The following LRFN5 variants were observed in gnomAD, a reference collection of about 807,000 sequenced individuals.
The protein encoded by LRFN5 is leucine-rich repeat and fibronectin type-III domain-containing protein 5.
Under a neutral mutation model 45.6 loss-of-function variants are expected in LRFN5, and 24 were observed. The observed-to-expected ratio is 0.53, with a 90% CI of 0.38 to 0.74. The LOEUF is 0.74. LRFN5 is among the 30% of genes least tolerant of loss of function. LRFN5 has a pLI of 0.00. For missense variants in LRFN5, 776 were observed against 861.5 expected, an observed-to-expected ratio of 0.90 and a Z score of 1.24; for synonymous variants, 340 against 313.8, an observed-to-expected ratio of 1.08 and a Z score of -0.88.
At chr14:41,695,531 T>G (rs1313439855) in intron 1 of LRFN5, among the ~76,000 whole-genome samples, 1 of 152,050 alleles carries the variant, frequency 6.6e-6, no homozygotes, top group East Asian at 1.9e-4. Context: ...TGAGAGCTAA[T>G]GCAGCTGGTG....
At chr14:41,899,223 A>C (rs1038482195) in intron 5 of LRFN5, among the ~76,000 whole-genome samples, 5 of 152,266 alleles carry the variant, frequency 3.3e-5, no homozygotes, top group Admixed American at 1.3e-4. Flanking sequence ...TGATGCATGC[A>C]ACTTTGGAGT....
intron 2 of LRFN5, among the ~76,000 whole-genome samples, chr14:41,779,352 C>T (rs925830202): frequency 1.3e-5 from 2 of 151,708 alleles, no homozygotes; most frequent in African/African-American, 4.8e-5. Flanking sequence ...TATAATTTTT[C>T]ATCCATTGTT....
chr14:41,898,744 T>G lies in LRFN5; in HGVS notation c.2099-173T>G, dbSNP rs183109343. ...GTAGACATAGAGAACTGAAATATTA[T>G]AAAAGTCAATTGCAATTAACCCATG... On this transcript the variant is annotated intron_variant, in intron 4 of 5. Coordinates refer to ENST00000298119, the MANE Select transcript of LRFN5 (RefSeq NM_152447.5). Among the ~76,000 whole-genome samples the G allele has an allele frequency of 1.2e-3, 177 of 152,138 alleles. 4 individuals carry two copies. The East Asian group carries it at 0.027, about 23-fold the overall frequency.
At chr14:41,754,623 A>G (rs1885292563) in intron 1 of LRFN5, among the ~76,000 whole-genome samples, 2 of 152,050 alleles carry the variant, frequency 1.3e-5, no homozygotes, top group African/African-American at 4.8e-5. Context: ...CCCCTTTATC[A>G]TTTTTTATTG....
chr14:41,869,863 T>C (rs1461526489), intron 2 of LRFN5, among the ~76,000 whole-genome samples: 1 of 152,142 alleles, frequency 6.6e-6, no homozygotes, highest in Non-Finnish European at 1.5e-5. Context: ...ATGGGAATTG[T>C]GGGAGCTACA....
chr14:41,671,604 A>ATTTTTTTTTTCC (rs1566613117), intron 1 of LRFN5, among the ~76,000 whole-genome samples: 51 of 91,068 alleles, frequency 5.6e-4, no homozygotes, highest in South Asian at 3.9e-4. Flanking sequence ...TGGAGGAGAG[A>ATTTTTTTTTTCC]TTTTTTTTTT....
chr14:41,646,910 G>A (rs564688089), intron 1 of LRFN5, among the ~76,000 whole-genome samples: 1 of 152,112 alleles, frequency 6.6e-6, no homozygotes, highest in African/African-American at 2.4e-5. Context: ...CCACACTCTG[G>A]GTGCTTCCAT....
intron 1 of LRFN5, among the ~76,000 whole-genome samples, chr14:41,615,229 A>C (rs967062735): frequency 1.3e-5 from 2 of 152,072 alleles, no homozygotes; most frequent in African/African-American, 4.8e-5. Flanking sequence ...CTCCAACTAA[A>C]ATATATTATT....
intron 2 of LRFN5, among the ~76,000 whole-genome samples, chr14:41,879,199 G>A (rs1286330343): frequency 6.6e-6 from 1 of 151,880 alleles, no homozygotes; most frequent in East Asian, 1.9e-4. Flanking sequence ...AGTTGCAATA[G>A]GGTCACCTCT....
At chr14:41,608,863 T>G (rs1432137833) in intron 1 of LRFN5, among the ~76,000 whole-genome samples, 4 of 152,194 alleles carry the variant, frequency 2.6e-5, no homozygotes, top group Admixed American at 2.0e-4. Context: ...AGATCAAAAT[T>G]CTGTGTTTCC....
At chr14:41,850,319 A>G (rs141089450) in intron 2 of LRFN5, among the ~76,000 whole-genome samples, 288 of 152,058 alleles carry the variant, frequency 1.9e-3, no homozygotes, top group African/African-American at 6.6e-3. Flanking sequence ...TTGAGGTAGA[A>G]TAAGGACAAG....
chr14:41,826,291 C>G (rs1408119882), intron 2 of LRFN5, among the ~76,000 whole-genome samples: 2 of 152,192 alleles, frequency 1.3e-5, no homozygotes, highest in African/African-American at 4.8e-5. Context: ...GCTTTTTAAA[C>G]TAGCCTTGTA....
intron 1 of LRFN5, among the ~76,000 whole-genome samples, chr14:41,744,144 A>G (rs188819239): frequency 1.3e-5 from 2 of 152,138 alleles, no homozygotes; most frequent in African/African-American, 2.4e-5. Flanking sequence ...GCTCAAGCCC[A>G]GAAGTTTGAG....
chr14:41,620,150 A>G (rs1370026489), intron 1 of LRFN5, among the ~76,000 whole-genome samples: 2 of 152,128 alleles, frequency 1.3e-5, no homozygotes, highest in African/African-American at 4.8e-5. Context: ...AAGGGATCTT[A>G]TAAAACCATA....
chr14:41,652,153 CTAATA>C (rs1566604491), intron 1 of LRFN5, among the ~76,000 whole-genome samples: 1 of 151,822 alleles, frequency 6.6e-6, no homozygotes, highest in Admixed American at 6.6e-5. Context: ...ATTAATTTTT[CTAATA>C]TTAAAATTGT....
intron 1 of LRFN5, among the ~76,000 whole-genome samples, chr14:41,648,994 C>T (rs1044455863): frequency 4.6e-5 from 7 of 152,040 alleles, no homozygotes; most frequent in Admixed American, 6.6e-5. Context: ...CCAGGCTGGG[C>T]GCGCTGGCTT....
intron 1 of LRFN5, among the ~76,000 whole-genome samples, chr14:41,635,944 A>C (rs1879287484): frequency 6.6e-6 from 1 of 152,162 alleles, no homozygotes; most frequent in Non-Finnish European, 1.5e-5. Flanking sequence ...ATCCCAGCAG[A>C]GCAGTCAGGA....
At chr14:41,817,587 T>C (rs1887966022) in intron 2 of LRFN5, among the ~76,000 whole-genome samples, 1 of 152,148 alleles carries the variant, frequency 6.6e-6, no homozygotes, top group African/African-American at 2.4e-5. Flanking sequence ...CCAGGTCACT[T>C]AGACTCTGAT....
At chr14:41,884,519 T>C (rs967417970) in intron 2 of LRFN5, among the ~76,000 whole-genome samples, 3 of 152,156 alleles carry the variant, frequency 2.0e-5, no homozygotes, top group Admixed American at 1.3e-4. Flanking sequence ...GCAAGTGAGA[T>C]ACGGGGTTTG....
Sources: allele counts gnomAD v4.1 joint callset (sites outside exome capture counted in the v4.1 genomes callset), GRCh38; gene constraint gnomAD v4.1.1; transcripts MANE v1.5; gene names NCBI Gene and HGNC (gene_info 2026-07-23, HGNC 2026-07-21).